Variants in INSC observed in about 807,000 individuals in gnomAD.
The protein encoded by INSC is INSC spindle orientation adaptor protein.
Under a neutral mutation model 58.6 loss-of-function variants are expected in INSC, and 67 were observed. The ratio of observed to expected loss-of-function variants is 1.14; its 90% CI spans 0.94 to 1.40. The LOEUF is 1.40. Among genes scored for constraint, INSC ranks in the 40% most tolerant of loss-of-function variants. The probability of loss-of-function intolerance (pLI) is 0.00; values close to 1 mark genes in which losing one functional copy is unlikely to be tolerated. For missense variants in INSC, 714 were observed against 692.0 expected, an observed-to-expected ratio of 1.03 and a Z score of -0.36; for synonymous variants, 262 against 276.1, an observed-to-expected ratio of 0.95 and a Z score of 0.51.
chr11:15,181,783 C>A (rs1451965395), intron 5 of INSC, among the ~76,000 whole-genome samples: 2 of 152,106 alleles, frequency 1.3e-5, no homozygotes, highest in Non-Finnish European at 2.9e-5. Context: ...TTTGGATTAT[C>A]TTTGTATTGC....
intron 2 of INSC, among the ~76,000 whole-genome samples, chr11:15,157,635 CAG>C (rs1204980999): frequency 6.6e-6 from 1 of 152,170 alleles, no homozygotes; most frequent in African/African-American, 2.4e-5. Flanking sequence ...GAGCTAATGA[CAG>C]AGAGTCAGGC....
At chr11:15,157,569 T>A (rs2133772738) in intron 2 of INSC, among the ~76,000 whole-genome samples, 2 of 152,194 alleles carry the variant, frequency 1.3e-5, no homozygotes, top group Middle Eastern at 3.4e-3. Context: ...ATCAGACTTT[T>A]CATAGTGGGG....
intron 6 of INSC, among the ~76,000 whole-genome samples, chr11:15,200,351 G>A (rs1380077986): frequency 6.6e-6 from 1 of 152,142 alleles, no homozygotes; most frequent in African/African-American, 2.4e-5. Context: ...GGAAGAATCT[G>A]AGGAATAGCA....
At chr11:15,130,647 G>T (rs905931510) in intron 1 of INSC, among the ~76,000 whole-genome samples, 5 of 152,050 alleles carry the variant, frequency 3.3e-5, no homozygotes, top group African/African-American at 1.2e-4. Flanking sequence ...GGTAGAGTTT[G>T]GTTATTTTTC....
At chr11:15,125,412 G>A (rs1311622495) in intron 1 of INSC, among the ~76,000 whole-genome samples, 1 of 152,192 alleles carries the variant, frequency 6.6e-6, no homozygotes, top group East Asian at 1.9e-4. Context: ...AAATTTCGAA[G>A]AGAGAAATGA....
Position 15,200,961 on chromosome 11 carries a change from T to G in INSC, c.819+12T>G. 6.3e-7 allele frequency: 1 copy of G among 1,588,138 alleles called. No homozygotes were observed. Among genetic ancestry groups the G allele is most frequent in the Non-Finnish European group, 8.6e-7 (1 of 1,167,576 alleles). On this transcript the variant is annotated intron_variant, in intron 7 of 12. Transcript: ENST00000379556. Reference sequence around the variant, plus strand: ...ACCAGCTGGAGAAGGTAAGGACAGCTGGCTGGGTGGTGCCTGAGGTCCTCA... The same window carrying G: ...ACCAGCTGGAGAAGGTAAGGACAGCGGGCTGGGTGGTGCCTGAGGTCCTCA...
Position 15,115,002 on chromosome 11 carries a change from A to G in INSC, c.-47A>G. 2 of 985,398 alleles carry G rather than the reference A, an allele frequency of 2.0e-6. No individual in the cohort carries two copies. Among genetic ancestry groups the G allele is most frequent in the Non-Finnish European group, 2.4e-6 (2 of 829,908 alleles). 61.0% of individuals were successfully genotyped at this position (985,398 alleles called of 1,614,324 possible). ...GCACTACCAGCCTGTCTCGCACGCT[A>G]AGTAAGTAGACAGCTCCCCTAGCTG... is the stretch of plus-strand genomic sequence containing the variant. On this transcript the variant is annotated splice_region_variant and 5_prime_UTR_variant, in exon 1 of 13. Coordinates refer to ENST00000379556, the MANE Select transcript of INSC (RefSeq NM_001042536.3).
At chr11:15,252,158 C>T (rs1007538900), downstream of INSC, among the ~76,000 whole-genome samples, 1 of 152,032 alleles carries the variant, frequency 6.6e-6, no homozygotes, top group South Asian at 2.1e-4. Flanking sequence ...TCCAAATATA[C>T]GAGATGTACA....
At chr11:15,242,548 T>C (rs1361195239) in intron 12 of INSC, among the ~76,000 whole-genome samples, 1 of 152,194 alleles carries the variant, frequency 6.6e-6, no homozygotes, top group Non-Finnish European at 1.5e-5. Context: ...CTTCTCAGTC[T>C]GGCTCCAACC....
At chr11:15,263,981 A>G in the INSC span, among the ~76,000 whole-genome samples, 1 of 150,316 alleles carries the variant, frequency 6.7e-6, no homozygotes, top group Admixed American at 6.7e-5. Flanking sequence ...CTGTATCTCT[A>G]TTCTGCTGCG....
At chr11:15,172,409 T>C (rs181798153) in intron 2 of INSC, among the ~76,000 whole-genome samples, 1 of 152,306 alleles carries the variant, frequency 6.6e-6, no homozygotes, top group African/African-American at 2.4e-5. Context: ...CACTCAACAA[T>C]GGGCATACAT....
intron 9 of INSC, among the ~76,000 whole-genome samples, chr11:15,231,190 C>G (rs112686155): frequency 5.3e-4 from 80 of 152,302 alleles, no homozygotes; most frequent in African/African-American, 1.9e-3. Flanking sequence ...CCCTTAGATC[C>G]CTTAATTCTA....
At chr11:15,198,813 C>T (rs1850469063) in intron 6 of INSC, among the ~76,000 whole-genome samples, 1 of 151,960 alleles carries the variant, frequency 6.6e-6, no homozygotes, top group Non-Finnish European at 1.5e-5. Flanking sequence ...TGAGTGAGGT[C>T]TGTATGTAGA....
intron 5 of INSC, among the ~76,000 whole-genome samples, chr11:15,186,463 T>C (rs1002972287): frequency 6.6e-6 from 1 of 152,206 alleles, no homozygotes; most frequent in African/African-American, 2.4e-5. Flanking sequence ...CTTTTGTTTT[T>C]CCAACAAACT....
intron 1 of INSC, among the ~76,000 whole-genome samples, chr11:15,142,228 A>AAG (rs1848388758): frequency 6.6e-6 from 1 of 152,174 alleles, no homozygotes; most frequent in South Asian, 2.1e-4. Context: ...TCTAAGGTGA[A>AAG]GAAGTCTTCT....
intron 1 of INSC, among the ~76,000 whole-genome samples, chr11:15,132,674 T>C (rs763231437): frequency 1.5e-4 from 23 of 152,342 alleles, no homozygotes; most frequent in South Asian, 1.4e-3. Context: ...ATCTCAAACC[T>C]TCCATATGAT....
chr11:15,265,343 A>G, the INSC span, among the ~76,000 whole-genome samples: 11 of 152,106 alleles, frequency 7.2e-5, no homozygotes, highest in African/African-American at 1.4e-4. Flanking sequence ...CTATCTTCTT[A>G]ATAAAAGTTA....
intron 2 of INSC, among the ~76,000 whole-genome samples, chr11:15,159,934 G>A (rs1848956608): frequency 1.3e-5 from 2 of 152,178 alleles, no homozygotes; most frequent in African/African-American, 2.4e-5. Flanking sequence ...AGCAGCATAG[G>A]TTATTATTAT....
chr11:15,180,425 G>A (rs1358576665), intron 5 of INSC, among the ~76,000 whole-genome samples: 1 of 152,062 alleles, frequency 6.6e-6, no homozygotes, highest in African/African-American at 2.4e-5. Context: ...GAAGAGCCTG[G>A]GAAAATCTCC....
Sources: allele counts gnomAD v4.1 joint callset (sites outside exome capture counted in the v4.1 genomes callset), GRCh38; gene constraint gnomAD v4.1.1; transcripts MANE v1.5; gene names NCBI Gene and HGNC (gene_info 2026-07-23, HGNC 2026-07-21).